Variants in DOCK11 observed in about 807,000 individuals in gnomAD.
DOCK11 encodes the protein dedicator of cytokinesis 11.
DOCK11 carries 70 observed loss-of-function variants against 169.1 expected under a neutral mutation model. The ratio of observed to expected loss-of-function variants is 0.41; its 90% confidence interval spans 0.34 to 0.51. The LOEUF (loss-of-function observed/expected upper bound fraction) is 0.51, where lower values mean the gene tolerates loss of function less well. Among genes scored for constraint, DOCK11 ranks in the 20% least tolerant of loss-of-function variants. The pLI, the probability that DOCK11 is intolerant of heterozygous loss-of-function variation, is 0.10. For synonymous variants in DOCK11, 529 were observed against 541.3 expected (o/e 0.98, Z 0.32); for missense variants, 1,166 against 1,538.8 (o/e 0.76, Z 4.05).
At chrX:118,500,270 G>C (rs6655431) in intron 1 of DOCK11, among the ~76,000 whole-genome samples, 10,152 of 109,940 alleles carry the variant, frequency 0.092, 402 homozygotes, top group African/African-American at 0.12. Context: ...GGATGGTCTC[G>C]ATCTCCTGAC....
At chrX:118,578,690 G>T in intron 13 of DOCK11, 43 bp downstream of exon 13, 2 of 1,152,234 alleles carry the variant, frequency 1.7e-6, no homozygotes, top group Non-Finnish European at 1.2e-6. Flanking sequence ...CCTTAACGTA[G>T]AATTTGCCTT....
chrX:118,674,753 C>G (rs1483708556), intron 46 of DOCK11, among the ~76,000 whole-genome samples: 2 of 112,150 alleles, frequency 1.8e-5, no homozygotes, highest in African/African-American at 6.5e-5. Context: ...AGCTGTTTTC[C>G]ACAGTGGCTG....
intron 48 of DOCK11, among the ~76,000 whole-genome samples, chrX:118,679,129 A>C (rs191003209): frequency 5.5e-4 from 61 of 110,849 alleles, no homozygotes; most frequent in African/African-American, 1.9e-3. Context: ...GGGTCTTGCT[A>C]TGTTGCCCAA....
intron 44 of DOCK11, among the ~76,000 whole-genome samples, chrX:118,657,461 T>A (rs1017894583): frequency 9.8e-5 from 11 of 111,986 alleles, no homozygotes; most frequent in Non-Finnish European, 7.5e-5. Context: ...TGTGCAGGTT[T>A]GTTACATAGG....
At chrX:118,615,573 G>T (rs1157698666) in intron 29 of DOCK11, 27 bp from the exon 30 acceptor site, 3 of 1,107,140 alleles carry the variant, frequency 2.7e-6, no homozygotes, top group Admixed American at 2.3e-5. Flanking sequence ...CTAAATATGA[G>T]CTAATGTATC....
At chrX:118,498,465 G>A (rs1021011458) in intron 1 of DOCK11, among the ~76,000 whole-genome samples, 1 of 112,438 alleles carries the variant, frequency 8.9e-6, no homozygotes, top group African/African-American at 3.2e-5. Context: ...TGGAATGTAT[G>A]CTCCTAAATG....
chrX:118,679,072 G>A (rs948965168), intron 48 of DOCK11, among the ~76,000 whole-genome samples: 1 of 110,355 alleles, frequency 9.1e-6, no homozygotes, highest in African/African-American at 3.3e-5. Context: ...GACTACAGGT[G>A]TGTTACCACC....
At chrX:118,622,211 C>G (rs1249404366) in intron 31 of DOCK11, among the ~76,000 whole-genome samples, 1 of 112,137 alleles carries the variant, frequency 8.9e-6, no homozygotes, top group Non-Finnish European at 1.9e-5. Flanking sequence ...CCAGAAGCAA[C>G]TACTCTTGTG....
intron 10 of DOCK11, among the ~76,000 whole-genome samples, chrX:118,569,038 C>T (rs1373099166): frequency 1.1e-4 from 11 of 102,314 alleles, no homozygotes; most frequent in African/African-American, 3.2e-4. Flanking sequence ...TTGTTGTTGT[C>T]GTTTTTTCTT....
intron 40 of DOCK11, among the ~76,000 whole-genome samples, chrX:118,647,809 ATATATTATATTAT>A (rs1286683809): frequency 5.9e-5 from 3 of 50,925 alleles, no homozygotes; most frequent in African/African-American, 2.6e-4. Context: ...ATATAATAAT[ATATATTATATTAT>A]TATAATATAA....
At chrX:118,612,929 T>C (rs1444593516) in intron 28 of DOCK11, among the ~76,000 whole-genome samples, 2 of 111,790 alleles carry the variant, frequency 1.8e-5, no homozygotes, top group African/African-American at 6.5e-5. Context: ...GAGGATACTT[T>C]TCTTGCTGGT....
At chrX:118,656,828 A>C (rs1241317988) in intron 44 of DOCK11, among the ~76,000 whole-genome samples, 1 of 111,000 alleles carries the variant, frequency 9.0e-6, no homozygotes, top group African/African-American at 3.3e-5. Flanking sequence ...CCAACTACTC[A>C]GAAGGCTGAG....
At chrX:118,505,297 G>A (rs888973384) in intron 1 of DOCK11, among the ~76,000 whole-genome samples, 1 of 112,423 alleles carries the variant, frequency 8.9e-6, no homozygotes, top group South Asian at 3.7e-4. Context: ...AAAGTGCTGG[G>A]ATTACAGGCG....
intron 40 of DOCK11, among the ~76,000 whole-genome samples, chrX:118,648,548 A>T (rs1411253201): frequency 1.1e-5 from 1 of 90,985 alleles, no homozygotes; most frequent in African/African-American, 4.1e-5. Flanking sequence ...ATTTATATAT[A>T]ACATAAATTA....
rs184221230 is a variant in DOCK11, at chrX:118,681,179, G to C, written c.5793G>C (p.Lys1931Asn). The change falls in exon 50 of 53, where the codon AAG (lysine) becomes AAC (asparagine). Residue 1931 changes from lysine to asparagine, a missense_variant. By Grantham distance (94) the Lys-to-Asn change is moderately conservative. Coordinates refer to ENST00000276202, the MANE Select transcript of DOCK11 (RefSeq NM_144658.4). ...EIKDKTAELQ[K>N]LCSSTDVDMI... ...AAGATAAAACTGCAGAGCTGCAAAAGCTTTGCTCCTCTACTGACGTGGACA... is the reference window on the plus strand; with the variant it reads ...AAGATAAAACTGCAGAGCTGCAAAACCTTTGCTCCTCTACTGACGTGGACA... 8.3e-7 allele frequency: 1 copy of C among 1,207,425 alleles called. No individual in the cohort carries two copies. Among genetic ancestry groups the C allele is most frequent in the Non-Finnish European group, 1.1e-6 (1 of 894,077 alleles).
At position 118,654,922 on chromosome X, in the gene DOCK11, C is replaced by T. The variant is rs373816172; in HGVS notation, c.4930C>T (p.His1644Tyr). 5 of 1,208,114 alleles carry T rather than the reference C, an allele frequency of 4.1e-6. No homozygotes were observed. Among genetic ancestry groups the T allele is most frequent in the Non-Finnish European group, 5.6e-6 (5 of 893,400 alleles). ...TTTTCAGGCTGCGATGTGTTATGTCCATGTAGCAGCTCTAGTTGCAGAGTT... is the reference window on the plus strand; with the variant it reads ...TTTTCAGGCTGCGATGTGTTATGTCTATGTAGCAGCTCTAGTTGCAGAGTT... Reference protein sequence around the residue: ...DFSEAAMCYVHVAALVAEFLH... With the variant: ...DFSEAAMCYVYVAALVAEFLH... The change falls in exon 44 of 53, where the codon CAT becomes TAT. Residue 1644 changes from histidine (H) to tyrosine (Y), a missense_variant. Transcript: ENST00000276202.
At chrX:118,550,095 T>A (rs190378810) in intron 6 of DOCK11, among the ~76,000 whole-genome samples, 31 of 112,010 alleles carry the variant, frequency 2.8e-4, no homozygotes, top group Admixed American at 1.8e-3. Flanking sequence ...AGAGGAAGGT[T>A]CAGCTAGAAC....
chrX:118,502,023 G>C (rs781545230), intron 1 of DOCK11, among the ~76,000 whole-genome samples: 3 of 111,256 alleles, frequency 2.7e-5, no homozygotes, highest in Non-Finnish European at 5.7e-5. Flanking sequence ...TTATTTCCTC[G>C]TTTGTGATTC....
chrX:118,546,056 G>C lies in DOCK11; in HGVS notation c.498G>C (p.Val166=), dbSNP rs61740837. The C allele has an allele frequency of 1.3e-3, 1,560 of 1,205,340 alleles. 17 individuals are homozygous for C. The African/African-American group carries it at 0.024, about 19-fold the overall frequency. ...SSSLCSQKGG[V]IKQGWLHKAN... ...CTTTATGTTCTCAGAAGGGTGGTGT[G>C]ATAAAACAAGGCTGGTTGCATAAAG... The change falls in exon 6 of 53, where the codon GTG becomes GTC. Residue 166 remains valine (V), a synonymous_variant. Coordinates refer to ENST00000276202, the MANE Select transcript of DOCK11 (RefSeq NM_144658.4).
Sources: gnomAD v4.1 joint callset for allele counts (sites outside exome capture counted in the v4.1 genomes callset) on GRCh38, gnomAD v4.1.1 for gene constraint, MANE v1.5 for transcripts, NCBI Gene and HGNC (gene_info 2026-07-23, HGNC 2026-07-21) for gene names.